Variants in CSMD1 observed in about 807,000 individuals in gnomAD.
CSMD1 encodes CUB and Sushi multiple domains 1, also known as CUB and sushi domain-containing protein 1.
Under a neutral mutation model 417.5 loss-of-function variants are expected in CSMD1, and 213 were observed. The observed-to-expected ratio is 0.51, with a 90% confidence interval of 0.46 to 0.57. The LOEUF (loss-of-function observed/expected upper bound fraction) is 0.57. CSMD1 is among the 20% of genes least tolerant of loss of function. The pLI, the probability that CSMD1 is intolerant of heterozygous loss-of-function variation, is 0.00. For synonymous variants in CSMD1, 2,862 were observed against 1,736.8 expected (o/e 1.65, Z -16.11); for missense variants, 6,923 against 4,529.7 (o/e 1.53, Z -15.17).
At position 3,416,736 on chromosome 8, in the gene CSMD1, G is replaced by A. The variant is rs187821759; in HGVS notation, c.1562-7131C>T. ...GTCAGGCAAGGCAGCACTGTACATG[G>A]ACACAAGACAGCTAGTACAGAACTC... On this transcript the variant is annotated intron_variant, in intron 12 of 69. Transcript: ENST00000635120. Among the ~76,000 whole-genome samples the A allele has an allele frequency of 3.8e-4, 58 of 152,280 alleles. No homozygotes were observed. The East Asian group carries it at 8.9e-3, about 23-fold the overall frequency.
chr8:3,890,532 A>G (rs564893734), intron 5 of CSMD1, among the ~76,000 whole-genome samples: 5 of 152,232 alleles, frequency 3.3e-5, no homozygotes, highest in African/African-American at 9.6e-5. Context: ...GGGGAACAAA[A>G]TAACTCTATC....
chr8:3,502,913 T>C (rs1796667270), intron 10 of CSMD1, among the ~76,000 whole-genome samples: 1 of 152,136 alleles, frequency 6.6e-6, no homozygotes, highest in Non-Finnish European at 1.5e-5. Context: ...TGAATGCATG[T>C]TCATCAAATG....
chr8:4,109,344 G>A (rs143572039), intron 3 of CSMD1, among the ~76,000 whole-genome samples: 25 of 151,842 alleles, frequency 1.6e-4, no homozygotes, highest in African/African-American at 5.6e-4. Context: ...TCATTTTCAC[G>A]AATAAAATCT....
rs185968718 is a variant in CSMD1, at chr8:4,646,651, C to T, written c.86-9093G>A. On this transcript the variant is annotated intron_variant, in intron 1 of 69. Coordinates refer to ENST00000635120, the MANE Select transcript of CSMD1 (RefSeq NM_033225.6). ...CCTCAACAATGAAGAAAGATTTCTG[C>T]GTCAACAAGGCATATTTTAAAATTG... 1.1e-4 allele frequency among the ~76,000 whole-genome samples: 16 copies of T among 152,204 alleles called. No individual in the cohort carries two copies. The South Asian group carries it at 2.7e-3, about 26-fold the overall frequency.
At chr8:3,957,412 T>G (rs916409916) in intron 5 of CSMD1, among the ~76,000 whole-genome samples, 1 of 152,104 alleles carries the variant, frequency 6.6e-6, no homozygotes, top group Non-Finnish European at 1.5e-5. Context: ...GAGCAGTGGC[T>G]CCCACCTGTA....
chr8:4,064,671 C>A (rs185412474), intron 3 of CSMD1, among the ~76,000 whole-genome samples: 1 of 152,330 alleles, frequency 6.6e-6, no homozygotes. Context: ...CTGTATTCTC[C>A]CCTCCAACAC....
chr8:4,597,109 A>AG (rs1800325880), intron 2 of CSMD1, among the ~76,000 whole-genome samples: 2 of 73,184 alleles, frequency 2.7e-5, no homozygotes, highest in Non-Finnish European at 9.0e-5. Flanking sequence ...TACAACACAC[A>AG]ATTTTTTTTT....
At chr8:3,195,892 T>A (rs1487861258) in intron 33 of CSMD1, among the ~76,000 whole-genome samples, 1 of 152,196 alleles carries the variant, frequency 6.6e-6, no homozygotes, top group Non-Finnish European at 1.5e-5. Context: ...ACTTGGAATA[T>A]TTAAACTGTC....
chr8:4,618,179 A>G (rs546719193), intron 2 of CSMD1, among the ~76,000 whole-genome samples: 1 of 152,238 alleles, frequency 6.6e-6, no homozygotes, highest in Admixed American at 6.5e-5. Flanking sequence ...CACCCATAAG[A>G]TGTGCATGTG....
At chr8:3,174,353 G>C (rs971814959) in intron 37 of CSMD1, among the ~76,000 whole-genome samples, 5 of 152,098 alleles carry the variant, frequency 3.3e-5, no homozygotes, top group African/African-American at 1.2e-4. Context: ...AAATTAGCTG[G>C]GTGTGGTGGC....
chr8:3,431,578 T>C, intron 12 of CSMD1, among the ~76,000 whole-genome samples: 1 of 152,172 alleles, frequency 6.6e-6, no homozygotes, highest in East Asian at 1.9e-4. Context: ...TATACTTTAC[T>C]TGAATTTTCT....
At chr8:4,938,287 G>C (rs1468552896) in intron 1 of CSMD1, among the ~76,000 whole-genome samples, 1 of 152,154 alleles carries the variant, frequency 6.6e-6, no homozygotes, top group South Asian at 2.1e-4. Context: ...ACTTTGCAGA[G>C]TGGGAAATTT....
chr8:4,573,812 T>C (rs911152556), intron 2 of CSMD1, among the ~76,000 whole-genome samples: 1 of 152,192 alleles, frequency 6.6e-6, no homozygotes, highest in Non-Finnish European at 1.5e-5. Flanking sequence ...CTTTCAGGGA[T>C]GACCTGCCTA....
intron 2 of CSMD1, among the ~76,000 whole-genome samples, chr8:4,456,466 C>G (rs981349632): frequency 6.6e-6 from 1 of 152,026 alleles, no homozygotes; most frequent in Non-Finnish European, 1.5e-5. Flanking sequence ...ACGAAAATCA[C>G]CAACAGACAG....
intron 1 of CSMD1, among the ~76,000 whole-genome samples, chr8:4,785,219 G>C (rs1328806292): frequency 3.9e-5 from 6 of 152,290 alleles, no homozygotes; most frequent in African/African-American, 1.2e-4. Flanking sequence ...GATTGTACCA[G>C]CTCATGCCTG....
Position 3,857,896 on chromosome 8 carries a change from C to T in CSMD1, c.819-103854G>A, listed in dbSNP as rs57687206. Among the ~76,000 whole-genome samples, 25 of 152,344 alleles carry T rather than the reference C, an allele frequency of 1.6e-4. No individual in the cohort carries two copies. The East Asian group carries it at 3.9e-3, about 24-fold the overall frequency. ...CGTGATATGTAACAGGGATTGCTTC[C>T]GTCCTTAAAATTGACCAGGCTTTGG... On this transcript the variant is annotated intron_variant, in intron 5 of 69. Coordinates refer to ENST00000635120, the MANE Select transcript of CSMD1 (RefSeq NM_033225.6).
At chr8:4,367,673 T>C (rs1317913554) in intron 3 of CSMD1, among the ~76,000 whole-genome samples, 2 of 152,240 alleles carry the variant, frequency 1.3e-5, no homozygotes, top group Non-Finnish European at 2.9e-5. Context: ...TTTCACAATA[T>C]TGAGTCTTCC....
intron 29 of CSMD1, among the ~76,000 whole-genome samples, chr8:3,218,309 C>G (rs1444319345): frequency 6.6e-6 from 1 of 152,074 alleles, no homozygotes; most frequent in Non-Finnish European, 1.5e-5. Flanking sequence ...CGCCTGTAAT[C>G]GCAGCACTTT....
At chr8:3,540,147 C>T (rs887265011) in intron 10 of CSMD1, among the ~76,000 whole-genome samples, 1 of 152,106 alleles carries the variant, frequency 6.6e-6, no homozygotes, top group South Asian at 2.1e-4. Context: ...GGAAATTAAA[C>T]TGAACTGAGT....
Sources: allele counts gnomAD v4.1 joint callset (sites outside exome capture counted in the v4.1 genomes callset), GRCh38; gene constraint gnomAD v4.1.1; transcripts MANE v1.5; gene names NCBI Gene and HGNC (gene_info 2026-07-23, HGNC 2026-07-21).